Variants in SMYD3 observed in about 807,000 individuals in gnomAD.
SMYD3 encodes histone-lysine N-methyltransferase SMYD3.
SMYD3 carries 36 observed loss-of-function variants against 57.7 expected under a neutral mutation model. The ratio of observed to expected loss-of-function variants is 0.62; its 90% CI spans 0.48 to 0.82. The LOEUF (loss-of-function observed/expected upper bound fraction) is 0.82. SMYD3 is among the 40% of genes least tolerant of loss of function. The probability of loss-of-function intolerance (pLI) is 0.00; values close to 1 mark genes in which losing one functional copy is unlikely to be tolerated. For synonymous variants in SMYD3, 211 were observed against 195.0 expected (o/e 1.08, Z -0.68); for missense variants, 515 against 538.8 (o/e 0.96, Z 0.44).
chr1:246,101,553 T>C (rs1368768411), intron 5 of SMYD3, among the ~76,000 whole-genome samples: 1 of 152,230 alleles, frequency 6.6e-6, no homozygotes, highest in Non-Finnish European at 1.5e-5. Flanking sequence ...CTCATAACTG[T>C]CTTTTAATAC....
intron 5 of SMYD3, among the ~76,000 whole-genome samples, chr1:246,003,308 G>A (rs2059112195): frequency 6.6e-6 from 1 of 152,218 alleles, no homozygotes; most frequent in South Asian, 2.1e-4. Context: ...GGCATCAGGT[G>A]TAGCTATGCT....
At chr1:245,924,881 T>C (rs2056261064) in intron 7 of SMYD3, among the ~76,000 whole-genome samples, 1 of 151,978 alleles carries the variant, frequency 6.6e-6, no homozygotes, top group Non-Finnish European at 1.5e-5. Flanking sequence ...CCAGGCTGGA[T>C]GCAAACTCCT....
At chr1:246,413,684 A>G (rs1258813167) in intron 1 of SMYD3, among the ~76,000 whole-genome samples, 1 of 152,046 alleles carries the variant, frequency 6.6e-6, no homozygotes, top group East Asian at 1.9e-4. Flanking sequence ...CCTCCATGTG[A>G]CGGGCCAGCT....
chr1:245,932,277 T>A (rs1429067964), intron 5 of SMYD3, among the ~76,000 whole-genome samples: 2 of 152,224 alleles, frequency 1.3e-5, no homozygotes, highest in African/African-American at 2.4e-5. Flanking sequence ...ATCAGTTTTT[T>A]TCCATCGGTT....
At position 246,386,641 on chromosome 1, in the gene SMYD3, TA is replaced by T. The variant is rs35215830; in HGVS notation, c.165-31548del. Among the ~76,000 whole-genome samples, 326 of 144,492 alleles carry T rather than the reference TA, an allele frequency of 2.3e-3. 2 individuals carry two copies. Among genetic ancestry groups the T allele is most frequent in the African/African-American group, 5.4e-3 (211 of 38,982 alleles). 94.8% of individuals were successfully genotyped at this position (144,492 alleles called of 152,430 possible). On this transcript the variant is annotated intron_variant, in intron 1 of 11. Transcript: ENST00000490107. ...TTCACCTCTGTTATCTTTTAATTGT[TA>T]AAAAAAAAAAAAAATTGTCAGTCAC...
chr1:246,440,714 A>T (rs1446890535), intron 1 of SMYD3, among the ~76,000 whole-genome samples: 1 of 152,214 alleles, frequency 6.6e-6, no homozygotes, highest in African/African-American at 2.4e-5. Flanking sequence ...ACTATGATAT[A>T]GGAGTAGCAA....
rs187267867 is a variant in SMYD3 at position 245,985,869 on chromosome 1, G to A, written c.532-55932C>T. ...TGTTCTTGACTTTGGACTCCTTTCTGGCTCTCATTCCACTTGAAACCTGCC... is the reference window on the plus strand; with the variant it reads ...TGTTCTTGACTTTGGACTCCTTTCTAGCTCTCATTCCACTTGAAACCTGCC... On this transcript the variant is annotated intron_variant, in intron 5 of 11. Transcript: ENST00000490107. 5.0e-3 allele frequency among the ~76,000 whole-genome samples: 763 copies of A among 152,136 alleles called. 7 individuals are homozygous for A. Among genetic ancestry groups the A allele is most frequent in the African/African-American group, 0.017 (712 of 41,496 alleles).
chr1:246,386,680 G>A (rs2148761257), intron 1 of SMYD3, among the ~76,000 whole-genome samples: 1 of 151,838 alleles, frequency 6.6e-6, no homozygotes, highest in Non-Finnish European at 1.5e-5. Flanking sequence ...ATGTTACTGA[G>A]GAGACCATAT....
intron 5 of SMYD3, among the ~76,000 whole-genome samples, chr1:246,267,257 T>C (rs559332021): frequency 6.6e-6 from 1 of 152,302 alleles, no homozygotes; most frequent in Non-Finnish European, 1.5e-5. Flanking sequence ...CCTAGATATA[T>C]ACAAAGCAAA....
At chr1:246,066,861 T>C (rs1211309986) in intron 5 of SMYD3, among the ~76,000 whole-genome samples, 1 of 152,192 alleles carries the variant, frequency 6.6e-6, no homozygotes, top group African/African-American at 2.4e-5. Context: ...TCGTTTTATG[T>C]GTTGCTGTCT....
At chr1:246,135,831 G>A (rs1350909415) in intron 5 of SMYD3, among the ~76,000 whole-genome samples, 2 of 152,142 alleles carry the variant, frequency 1.3e-5, no homozygotes, top group Non-Finnish European at 2.9e-5. Context: ...GAGTCATCTA[G>A]TTCAAACTCT....
At chr1:245,840,299 A>G (rs1315078781) in intron 10 of SMYD3, among the ~76,000 whole-genome samples, 5 of 152,230 alleles carry the variant, frequency 3.3e-5, no homozygotes, top group African/African-American at 4.8e-5. Context: ...CCTTACAGAA[A>G]AGATAAAACG....
chr1:245,835,902 C>T (rs866241974), intron 10 of SMYD3, among the ~76,000 whole-genome samples: 1 of 152,174 alleles, frequency 6.6e-6, no homozygotes, highest in Non-Finnish European at 1.5e-5. Context: ...GACTTGTTAG[C>T]GTTAACAGTG....
chr1:246,491,404 G>A (rs2068268025), intron 1 of SMYD3, among the ~76,000 whole-genome samples: 1 of 152,118 alleles, frequency 6.6e-6, no homozygotes, highest in Non-Finnish European at 1.5e-5. Context: ...GCTAAGCATG[G>A]TAGCGGACAC....
chr1:245,848,228 T>C (rs1291478840), intron 10 of SMYD3, among the ~76,000 whole-genome samples: 1 of 151,978 alleles, frequency 6.6e-6, no homozygotes, highest in Non-Finnish European at 1.5e-5. Context: ...CCTCAGCCTC[T>C]GAGTAGCTGG....
rs1210745516 is a variant in SMYD3 at position 246,102,757 on chromosome 1, AT to A, written c.532-172821del. ...ACCTTGGCTCTCAAAAAAAAAAAAA[AT>A]AATAATAATAATAATCCTACCTACT... On this transcript the variant is annotated intron_variant, in intron 5 of 11. Coordinates refer to ENST00000490107, the MANE Select transcript of SMYD3 (RefSeq NM_001167740.2). 1.2e-4 allele frequency among the ~76,000 whole-genome samples: 18 copies of A among 148,730 alleles called. No individual in the cohort carries two copies. The East Asian group carries it at 1.4e-3, about 11-fold the overall frequency.
At chr1:245,983,199 A>G (rs1397698916) in intron 5 of SMYD3, among the ~76,000 whole-genome samples, 2 of 152,192 alleles carry the variant, frequency 1.3e-5, no homozygotes, top group African/African-American at 2.4e-5. Flanking sequence ...GTTTTCAGTT[A>G]TAACTTTTCA....
At chr1:246,267,470 T>C (rs1572308428) in intron 5 of SMYD3, among the ~76,000 whole-genome samples, 1 of 152,206 alleles carries the variant, frequency 6.6e-6, no homozygotes, top group Non-Finnish European at 1.5e-5. Flanking sequence ...TATGAACACT[T>C]TGGGGAAACA....
At chr1:246,280,065 A>C (rs1248232987) in intron 5 of SMYD3, among the ~76,000 whole-genome samples, 1 of 152,214 alleles carries the variant, frequency 6.6e-6, no homozygotes, top group Non-Finnish European at 1.5e-5. Context: ...TTAGGTTGCA[A>C]AGAAAAGGCC....
Sources: allele counts gnomAD v4.1 joint callset (sites outside exome capture counted in the v4.1 genomes callset), GRCh38; gene constraint gnomAD v4.1.1; transcripts MANE v1.5; gene names NCBI Gene and HGNC (gene_info 2026-07-23, HGNC 2026-07-21).